The following TMEM108 variants were observed in gnomAD, a reference collection of about 807,000 sequenced individuals.
TMEM108 encodes the protein cancer/testis antigen 124.
Under a neutral mutation model 35.1 loss-of-function variants are expected in TMEM108, and 12 were observed. The ratio of observed to expected loss-of-function variants is 0.34; its 90% CI spans 0.22 to 0.55. The LOEUF (loss-of-function observed/expected upper bound fraction) is 0.55, where lower values mean the gene tolerates loss of function less well. Among genes scored for constraint, TMEM108 ranks in the 20% least tolerant of loss-of-function variants. The probability of loss-of-function intolerance (pLI) is 0.89; values close to 1 mark genes in which losing one functional copy is unlikely to be tolerated. For missense variants in TMEM108, 680 were observed against 753.3 expected (o/e 0.90, Z 1.14); for synonymous variants, 287 against 308.6 (o/e 0.93, Z 0.73).
chr3:133,307,742 GGTACCA>G (rs2071063665), intron 3 of TMEM108, among the ~76,000 whole-genome samples: 1 of 152,018 alleles, frequency 6.6e-6, no homozygotes, highest in Non-Finnish European at 1.5e-5. Flanking sequence ...TATCTGTTTT[GGTACCA>G]GTACTATACT....
intron 2 of TMEM108, among the ~76,000 whole-genome samples, chr3:133,224,478 C>G (rs1289912894): frequency 6.6e-6 from 1 of 152,070 alleles, no homozygotes; most frequent in Non-Finnish European, 1.5e-5. Flanking sequence ...AATTGTAGCT[C>G]CTATAATTCC....
Position 133,386,778 on chromosome 3 carries a change from G to T in TMEM108, c.1451-3402G>T, listed in dbSNP as rs148983162. On this transcript the variant is annotated intron_variant, in intron 4 of 5. Transcript: ENST00000321871. ...GCATATGTCATCTCTATACCCTCCG[G>T]TGTTCAGGACAATACAGGATAGTGG... The T allele has an allele frequency of 3.8e-6, 4 of 1,065,302 alleles. No individual in the cohort carries two copies. In the East Asian group the frequency reaches 1.8e-4, roughly 47 times the overall value. 66.0% of individuals were successfully genotyped at this position (1,065,302 alleles called of 1,614,324 possible).
chr3:133,300,679 A>G (rs557854484), intron 3 of TMEM108, among the ~76,000 whole-genome samples: 33 of 152,014 alleles, frequency 2.2e-4, no homozygotes, highest in Non-Finnish European at 4.6e-4. Flanking sequence ...GAATGATTTT[A>G]GTGGGCTCTG....
chr3:133,297,546 G>A (rs1947163152), intron 3 of TMEM108, among the ~76,000 whole-genome samples: 1 of 152,122 alleles, frequency 6.6e-6, no homozygotes. Flanking sequence ...GGGGGTGGGG[G>A]GAGACTAAAA....
At chr3:133,157,804 G>T (rs1163893963) in intron 2 of TMEM108, among the ~76,000 whole-genome samples, 17 of 152,208 alleles carry the variant, frequency 1.1e-4, no homozygotes, top group Non-Finnish European at 2.5e-4. Context: ...GGATTTACGT[G>T]TATCCTGTTG....
At chr3:133,331,055 G>T (rs1241119002) in intron 3 of TMEM108, among the ~76,000 whole-genome samples, 1 of 152,094 alleles carries the variant, frequency 6.6e-6, no homozygotes, top group Non-Finnish European at 1.5e-5. Flanking sequence ...AATGTTTGGT[G>T]CATGGGAGGC....
chr3:133,376,654 C>A (rs1017126280), intron 3 of TMEM108, among the ~76,000 whole-genome samples: 4 of 152,164 alleles, frequency 2.6e-5, no homozygotes, highest in African/African-American at 9.7e-5. Flanking sequence ...TGAGGTGCAG[C>A]CTACTCAGCT....
chr3:133,038,928 C>CGAA (rs2107666451), intron 1 of TMEM108, among the ~76,000 whole-genome samples: 1 of 152,280 alleles, frequency 6.6e-6, no homozygotes, highest in East Asian at 1.9e-4. Flanking sequence ...CGCAGCTGTG[C>CGAA]GAAGAGCCCT....
intron 2 of TMEM108, among the ~76,000 whole-genome samples, chr3:133,149,361 G>A (rs991933211): frequency 6.6e-6 from 1 of 152,178 alleles, no homozygotes; most frequent in Non-Finnish European, 1.5e-5. Flanking sequence ...CCTTTTCTTT[G>A]ATGTATGGTG....
chr3:133,237,785 A>G (rs1051924345), intron 3 of TMEM108, among the ~76,000 whole-genome samples: 6 of 152,166 alleles, frequency 3.9e-5, no homozygotes, highest in African/African-American at 1.4e-4. Context: ...CATCCTTCTA[A>G]TTTTTTGTGT....
chr3:133,180,913 A>G (rs912010189), intron 2 of TMEM108, among the ~76,000 whole-genome samples: 1 of 149,570 alleles, frequency 6.7e-6, no homozygotes, highest in South Asian at 2.1e-4. Context: ...TTTTAACACA[A>G]ACTTCACTCT....
intron 2 of TMEM108, among the ~76,000 whole-genome samples, chr3:133,184,706 C>G (rs949192246): frequency 6.6e-6 from 1 of 152,170 alleles, no homozygotes; most frequent in African/African-American, 2.4e-5. Flanking sequence ...TGTAAACAGA[C>G]TTGTAGACAA....
At chr3:133,291,078 G>A (rs1302967096) in intron 3 of TMEM108, among the ~76,000 whole-genome samples, 1 of 152,160 alleles carries the variant, frequency 6.6e-6, no homozygotes, top group South Asian at 2.1e-4. Context: ...GGGCCATAAG[G>A]AGAATTTTTT....
In TMEM108 at chr3:133,380,868, C is replaced by A. The variant is rs543295726; in HGVS notation, c.1157C>A (p.Pro386Gln). ...PQGASTTPQA[P>Q]THPSRVSEST... is the part of the protein sequence containing the mutation. Reference sequence around the variant, plus strand: ...GGAGCATCCACAACCCCACAAGCTCCAACCCATCCCTCCAGGGTCTCAGAA... The same window carrying A: ...GGAGCATCCACAACCCCACAAGCTCAAACCCATCCCTCCAGGGTCTCAGAA... Residue 386 changes from proline (P) to glutamine (Q), a missense_variant, in exon 4 of 6, where the codon CCA becomes CAA. Pro to Gln is a moderately conservative substitution (Grantham distance 76). Transcript: ENST00000321871. The surrounding 1 kb of genome is among the most constrained non-coding windows in gnomAD (Gnocchi z 5.3). The A allele has an allele frequency of 1.2e-5, 20 of 1,614,194 alleles. No individual in the cohort carries two copies. The highest frequency in any genetic ancestry group is 1.6e-4 in the Middle Eastern group (1 of 6,062).
intron 3 of TMEM108, among the ~76,000 whole-genome samples, chr3:133,354,258 C>T (rs923885898): frequency 3.9e-5 from 6 of 152,172 alleles, no homozygotes; most frequent in African/African-American, 1.4e-4. Context: ...GGTGAGAGCA[C>T]GATATACACC....
In TMEM108 at chr3:133,114,035, G is replaced by C. The variant is rs115780271; in HGVS notation, c.-47+68015G>C. On this transcript the variant is annotated intron_variant, in intron 2 of 5. Transcript: ENST00000321871. ...TAGCCTGCATTTGCAGGGAAGCCAT[G>C]TCTAGAAAAAGCATAATCAAAATGA... Among the ~76,000 whole-genome samples the C allele has an allele frequency of 7.0e-3, 1,064 of 152,298 alleles. 9 individuals carry two copies. The highest frequency in any genetic ancestry group is 0.024 in the African/African-American group (983 of 41,556).
At chr3:133,082,865 G>T (rs1327848248) in intron 2 of TMEM108, among the ~76,000 whole-genome samples, 4 of 152,014 alleles carry the variant, frequency 2.6e-5, no homozygotes, top group Non-Finnish European at 4.4e-5. Context: ...TATCGTCCAG[G>T]CTGGTCTTGA....
chr3:133,383,538 C>T (rs1576538161), intron 4 of TMEM108, among the ~76,000 whole-genome samples: 1 of 152,216 alleles, frequency 6.6e-6, no homozygotes, highest in African/African-American at 2.4e-5. Flanking sequence ...ACAGGCTACA[C>T]CCACCTGGAT....
At chr3:133,182,895 C>T (rs2107805594) in intron 2 of TMEM108, among the ~76,000 whole-genome samples, 1 of 152,310 alleles carries the variant, frequency 6.6e-6, no homozygotes, top group South Asian at 2.1e-4. Context: ...TATATAATAG[C>T]AACAGGTATT....
Sources: allele counts gnomAD v4.1 joint callset (sites outside exome capture counted in the v4.1 genomes callset), GRCh38; gene constraint gnomAD v4.1.1; non-coding constraint Gnocchi (gnomAD v3.1); transcripts MANE v1.5; gene names NCBI Gene and HGNC (gene_info 2026-07-23, HGNC 2026-07-21).